NKAIN2: variants seen among roughly 807,000 people sequenced by gnomAD.
NKAIN2 encodes sodium/potassium-transporting ATPase subunit beta-1-interacting protein 2.
A neutral mutation model predicts 32.6 loss-of-function variants in NKAIN2; 14 were observed. That is an observed-to-expected ratio of 0.43 (90% confidence interval 0.28 to 0.67). The LOEUF is 0.67. Among genes scored for constraint, NKAIN2 ranks in the 30% least tolerant of loss-of-function variants. The probability of loss-of-function intolerance (pLI) is 0.17; values close to 1 mark genes in which losing one functional copy is unlikely to be tolerated. For synonymous variants in NKAIN2, 80 were observed against 87.2 expected (o/e 0.92, Z 0.46); for missense variants, 198 against 258.3 (o/e 0.77, Z 1.60).
intron 4 of NKAIN2, among the ~76,000 whole-genome samples, chr6:124,733,429 A>G (rs546245857): frequency 6.6e-6 from 1 of 152,058 alleles, no homozygotes; most frequent in East Asian, 1.9e-4. Flanking sequence ...AGTGATCAGA[A>G]AACGTTCTGA....
At chr6:124,725,915 G>A (rs987679333) in intron 4 of NKAIN2, among the ~76,000 whole-genome samples, 2 of 152,236 alleles carry the variant, frequency 1.3e-5, no homozygotes, top group Non-Finnish European at 2.9e-5. Flanking sequence ...GGGTCAGGGA[G>A]TTCCCTTTCC....
intron 4 of NKAIN2, among the ~76,000 whole-genome samples, chr6:124,706,322 T>A (rs1345656562): frequency 2.0e-5 from 3 of 152,134 alleles, no homozygotes; most frequent in East Asian, 3.9e-4. Flanking sequence ...AGGCAGGTCC[T>A]TAGCCAAGAT....
rs1774160103 is a variant in NKAIN2, at chr6:123,826,654, C to A, written c.54+22400C>A. On this transcript the variant is annotated intron_variant, in intron 1 of 6. Coordinates refer to ENST00000368417, the MANE Select transcript of NKAIN2 (RefSeq NM_001040214.3). Reference sequence around the variant, plus strand: ...TGACTTATTTCCCTTAATGTAATATCTTCAAGGTTCATCCATTTTGTAGCC... The same window carrying A: ...TGACTTATTTCCCTTAATGTAATATATTCAAGGTTCATCCATTTTGTAGCC... 2.6e-5 allele frequency among the ~76,000 whole-genome samples: 4 copies of A among 152,112 alleles called. No individual in the cohort carries two copies. In the South Asian group the frequency reaches 8.3e-4, roughly 31 times the overall value.
At chr6:124,405,665 C>G (rs1343957301) in intron 3 of NKAIN2, among the ~76,000 whole-genome samples, 1 of 151,840 alleles carries the variant, frequency 6.6e-6, no homozygotes, top group African/African-American at 2.4e-5. Flanking sequence ...TAGGCGTGAG[C>G]CACCGCACCC....
At chr6:124,125,611 G>A (rs9491067) in intron 1 of NKAIN2, among the ~76,000 whole-genome samples, 2,098 of 152,180 alleles carry the variant, frequency 0.014, 47 homozygotes, top group African/African-American at 0.049. Flanking sequence ...ATTAAATGTT[G>A]TAATAAAGAT....
At chr6:124,209,715 G>T (rs1311393474) in intron 1 of NKAIN2, among the ~76,000 whole-genome samples, 2 of 151,804 alleles carry the variant, frequency 1.3e-5, no homozygotes, top group African/African-American at 4.8e-5. Flanking sequence ...TAATGAGGTT[G>T]AGCATTTTTT....
At chr6:124,697,839 A>C (rs1583665826) in intron 4 of NKAIN2, among the ~76,000 whole-genome samples, 1 of 152,252 alleles carries the variant, frequency 6.6e-6, no homozygotes, top group East Asian at 1.9e-4. Flanking sequence ...CTGCCGCTAA[A>C]ACTCCTATAT....
intron 3 of NKAIN2, among the ~76,000 whole-genome samples, chr6:124,496,754 T>C (rs1778077710): frequency 6.6e-6 from 1 of 152,174 alleles, no homozygotes; most frequent in South Asian, 2.1e-4. Flanking sequence ...TGCATATTGT[T>C]ATTTTTGTAT....
At chr6:124,572,557 A>G (rs1781166961) in intron 3 of NKAIN2, among the ~76,000 whole-genome samples, 1 of 152,212 alleles carries the variant, frequency 6.6e-6, no homozygotes, top group African/African-American at 2.4e-5. Flanking sequence ...GAGTTCAAGT[A>G]TCCAAAATGA....
At chr6:124,296,324 C>T (rs1389875360) in intron 2 of NKAIN2, among the ~76,000 whole-genome samples, 2 of 152,040 alleles carry the variant, frequency 1.3e-5, no homozygotes, top group Non-Finnish European at 2.9e-5. Flanking sequence ...GGAAAAAATT[C>T]TCAGTTATGT....
intron 3 of NKAIN2, among the ~76,000 whole-genome samples, chr6:124,626,789 T>C (rs1783367764): frequency 6.6e-6 from 1 of 152,132 alleles, no homozygotes; most frequent in Admixed American, 6.6e-5. Flanking sequence ...AAGGGGTAAG[T>C]GGGGGCTTAA....
intron 3 of NKAIN2, among the ~76,000 whole-genome samples, chr6:124,656,588 A>C (rs1784547043): frequency 6.6e-6 from 1 of 152,082 alleles, no homozygotes; most frequent in Admixed American, 6.6e-5. Flanking sequence ...CCTGCATTGC[A>C]TTAAATATCT....
intron 2 of NKAIN2, among the ~76,000 whole-genome samples, chr6:124,285,749 A>G (rs1795509363): frequency 1.3e-5 from 2 of 151,874 alleles, no homozygotes; most frequent in South Asian, 4.2e-4. Flanking sequence ...ATAACTTTCT[A>G]CTCCTCAAAA....
chr6:124,099,111 T>A (rs1242951739), intron 1 of NKAIN2, among the ~76,000 whole-genome samples: 1 of 152,134 alleles, frequency 6.6e-6, no homozygotes, highest in Non-Finnish European at 1.5e-5. Context: ...GCTAGAGGCA[T>A]AAATATGCTA....
chr6:124,588,281 T>G (rs1301323427), intron 3 of NKAIN2, among the ~76,000 whole-genome samples: 8 of 152,188 alleles, frequency 5.3e-5, no homozygotes. Flanking sequence ...TGTAATTTAG[T>G]TTATTCATCC....
At position 124,529,789 on chromosome 6, in the gene NKAIN2, T is replaced by C. The variant is rs1445758906; in HGVS notation, c.274-128397T>C. Among the ~76,000 whole-genome samples the C allele has an allele frequency of 3.3e-5, 5 of 152,198 alleles. No homozygotes were observed. In the East Asian group the frequency reaches 9.6e-4, roughly 29 times the overall value. On this transcript the variant is annotated intron_variant, in intron 3 of 6. Coordinates refer to ENST00000368417, the MANE Select transcript of NKAIN2 (RefSeq NM_001040214.3). ...CTTACTTTCTTACTTTTACTACTCA[T>C]GTTATAATTTTTTCCACTCATGTAA...
At chr6:124,124,853 C>T (rs1786082270) in intron 1 of NKAIN2, among the ~76,000 whole-genome samples, 1 of 152,254 alleles carries the variant, frequency 6.6e-6, no homozygotes, top group South Asian at 2.1e-4. Flanking sequence ...CTATTCTTTT[C>T]AGTGTGGCCA....
At chr6:123,961,329 T>C (rs917340682) in intron 1 of NKAIN2, among the ~76,000 whole-genome samples, 11 of 152,230 alleles carry the variant, frequency 7.2e-5, no homozygotes, top group African/African-American at 1.2e-4. Context: ...TAAATACTTT[T>C]GCAGCTGTAA....
chr6:124,803,748 A>C (rs528602485), intron 5 of NKAIN2, among the ~76,000 whole-genome samples: 2 of 152,208 alleles, frequency 1.3e-5, no homozygotes, highest in Admixed American at 6.5e-5. Flanking sequence ...TTCTAATACA[A>C]AGTTCTCTCT....
Sources: gnomAD v4.1 joint callset for allele counts (sites outside exome capture counted in the v4.1 genomes callset) on GRCh38, gnomAD v4.1.1 for gene constraint, MANE v1.5 for transcripts, NCBI Gene and HGNC (gene_info 2026-07-23, HGNC 2026-07-21) for gene names.